CDH19: variants seen among roughly 807,000 people sequenced by gnomAD.
The protein encoded by CDH19 is cadherin-19.
In CDH19, 67 loss-of-function variants were observed where a neutral mutation model predicts 64.2. The ratio of observed to expected loss-of-function variants is 1.04; its 90% confidence interval spans 0.86 to 1.28. The LOEUF (loss-of-function observed/expected upper bound fraction) is 1.28. Ranked by LOEUF, CDH19 falls within the 50% of genes most tolerant of loss-of-function variation. The pLI, the probability that CDH19 is intolerant of heterozygous loss-of-function variation, is 0.00. For synonymous variants in CDH19, 346 were observed against 319.3 expected (o/e 1.08, Z -0.89); for missense variants, 1,030 against 929.0 (o/e 1.11, Z -1.41).
intron 11 of CDH19, among the ~76,000 whole-genome samples, chr18:66,506,944 G>A (rs1985231464): frequency 6.6e-6 from 1 of 151,844 alleles, no homozygotes; most frequent in South Asian, 2.1e-4. Context: ...AAATAGAAAG[G>A]AGTCTAATAA....
Position 66,529,855 on chromosome 18 carries a change from C to A in CDH19, c.1448G>T (p.Gly483Val). Residue 483 changes from glycine to valine, a missense_variant, in exon 9 of 12, where the codon GGC becomes GTC. Coordinates refer to ENST00000262150, the MANE Select transcript of CDH19 (RefSeq NM_021153.4). ...YYETYVCENA[G>V]SGQVIQTISA... ...ATAATGAGTCCTTACCTGACCAGAG[C>A]CTGCATTTTCACAAACATAAGTCTC... 1 of 1,589,524 alleles carries A rather than the reference C, an allele frequency of 6.3e-7. No individual in the cohort carries two copies.
At chr18:66,528,041 T>C (rs1367053551) in intron 9 of CDH19, among the ~76,000 whole-genome samples, 1 of 151,676 alleles carries the variant, frequency 6.6e-6, no homozygotes, top group Non-Finnish European at 1.5e-5. Context: ...ATCTAATATG[T>C]AAATTTGATA....
chr18:66,563,260 C>T (rs1480372592), intron 3 of CDH19, among the ~76,000 whole-genome samples: 4 of 151,936 alleles, frequency 2.6e-5, no homozygotes, highest in Non-Finnish European at 5.9e-5. Flanking sequence ...TGTTTGAATG[C>T]CAAGATTCCA....
At chr18:66,558,265 C>T (rs1987595105) in intron 3 of CDH19, among the ~76,000 whole-genome samples, 1 of 150,580 alleles carries the variant, frequency 6.6e-6, no homozygotes, top group Non-Finnish European at 1.5e-5. Flanking sequence ...TTTATTCATG[C>T]CTTGGAAATG....
intron 1 of CDH19, among the ~76,000 whole-genome samples, chr18:66,585,805 CATT>C (rs1988560441): frequency 6.6e-6 from 1 of 151,760 alleles, no homozygotes; most frequent in South Asian, 2.1e-4. Context: ...ATTTGAATGT[CATT>C]ATTTTTTTTC....
chr18:66,508,857 C>T, intron 11 of CDH19, 138 bp downstream of exon 11: 2 of 895,024 alleles, frequency 2.2e-6, no homozygotes, highest in Non-Finnish European at 3.3e-6. Flanking sequence ...ACACACAGAC[C>T]CACATTATAA....
At chr18:66,557,361 CAA>C (rs1987556773) in intron 3 of CDH19, among the ~76,000 whole-genome samples, 1 of 151,914 alleles carries the variant, frequency 6.6e-6, no homozygotes, top group African/African-American at 2.4e-5. Flanking sequence ...TACTTGTAAC[CAA>C]AAGTTACTTC....
intron 1 of CDH19, among the ~76,000 whole-genome samples, chr18:66,600,368 T>C (rs1272495542): frequency 6.6e-6 from 1 of 151,844 alleles, no homozygotes; most frequent in Non-Finnish European, 1.5e-5. Flanking sequence ...AGTTAAGTAA[T>C]GTCTTGCTGA....
chr18:66,583,377 C>G (rs549615941), intron 1 of CDH19, among the ~76,000 whole-genome samples: 1 of 151,958 alleles, frequency 6.6e-6, no homozygotes, highest in South Asian at 2.1e-4. Flanking sequence ...TACATTTGCA[C>G]GTTTGTTATA....
chr18:66,545,938 T>C (rs1987099313), intron 5 of CDH19, among the ~76,000 whole-genome samples: 2 of 126,532 alleles, frequency 1.6e-5, no homozygotes, highest in African/African-American at 6.3e-5. Flanking sequence ...TAACTACAAA[T>C]TGCTGGGCAC....
intron 11 of CDH19, among the ~76,000 whole-genome samples, chr18:66,506,931 T>C (rs2144331241): frequency 6.6e-6 from 1 of 152,062 alleles, no homozygotes; most frequent in East Asian, 1.9e-4. Flanking sequence ...ATATATATGG[T>C]TGAAATAGAA....
chr18:66,503,337 A>G lies in CDH19; in HGVS notation c.*1475T>C, dbSNP rs1010314858. 4.0e-5 allele frequency: 6 copies of G among 151,878 alleles called. No homozygotes were observed. Among genetic ancestry groups the G allele is most frequent in the African/African-American group, 1.4e-4 (6 of 41,434 alleles). The allele number at this position is 151,878 out of a possible 1,614,324, so 9.4% of individuals were successfully genotyped here. A position where few individuals can be genotyped will look rare whatever the true frequency, so the allele number is the denominator to read the frequency against. On this transcript the variant is annotated 3_prime_UTR_variant, in exon 12 of 12. Coordinates refer to ENST00000262150, the MANE Select transcript of CDH19 (RefSeq NM_021153.4). ...AAATGTATCTATTGCACCTAATTTT[A>G]TATTCAATAATAAAAAAATGACACT...
Position 66,502,063 on chromosome 18 carries a change from T to C in CDH19, c.*2749A>G, listed in dbSNP as rs1395662942. On this transcript the variant is annotated 3_prime_UTR_variant, in exon 12 of 12. Coordinates refer to ENST00000262150, the MANE Select transcript of CDH19 (RefSeq NM_021153.4). ...TATTTTGCATTAATTTAGAGTTTAT[T>C]AAAATTTACAAAAATAAATTCTTAA... 2 of 152,154 alleles carry C rather than the reference T, an allele frequency of 1.3e-5. No homozygotes were observed. 9.4% of individuals were successfully genotyped at this position (152,154 alleles called of 1,614,324 possible). A position where few individuals can be genotyped will look rare whatever the true frequency, so the allele number is the denominator to read the frequency against.
chr18:66,511,493 A>G (rs1267277100), intron 10 of CDH19, 75 bp downstream of exon 10: 4 of 671,330 alleles, frequency 6.0e-6, no homozygotes, highest in Non-Finnish European at 1.1e-5. Flanking sequence ...ATAAAAATCC[A>G]TGCCATAAAT....
chr18:66,515,465 G>C (rs1985695162), intron 9 of CDH19, among the ~76,000 whole-genome samples: 1 of 151,724 alleles, frequency 6.6e-6, no homozygotes, highest in South Asian at 2.1e-4. Flanking sequence ...GAAAGTCTAG[G>C]TTGTAGTATG....
At chr18:66,558,984 A>G (rs1291003930) in intron 3 of CDH19, among the ~76,000 whole-genome samples, 1 of 151,918 alleles carries the variant, frequency 6.6e-6, no homozygotes, top group Non-Finnish European at 1.5e-5. Flanking sequence ...TCATGTCCTG[A>G]TTATTGTTTA....
intron 9 of CDH19, 38 bp from the exon 10 acceptor site, chr18:66,511,723 G>T: frequency 1.1e-6 from 1 of 930,360 alleles, no homozygotes; most frequent in South Asian, 1.4e-5. Context: ...TTGTTGTTTG[G>T]ATTCAGGAAG....
intron 9 of CDH19, among the ~76,000 whole-genome samples, chr18:66,524,569 T>TATATATATATATATATATATA (rs1276593665): frequency 7.4e-6 from 1 of 135,164 alleles, no homozygotes; most frequent in Non-Finnish European, 1.6e-5. Flanking sequence ...TATATATATA[T>TATATATATATATATATATATA]AAACATCATC....
rs1988984447 is a variant in CDH19, at chr18:66,599,363, C to A, written c.-113+4591G>T. Among the ~76,000 whole-genome samples the A allele has an allele frequency of 2.0e-5, 3 of 151,970 alleles. No individual in the cohort carries two copies. In the South Asian group the frequency reaches 6.2e-4, roughly 32 times the overall value. ...ATGTGGAATCTAAAACAATGGAACT[C>A]ATAGAGGCATAAAGTAGACTGGTAT... is the stretch of plus-strand genomic sequence containing the variant. On this transcript the variant is annotated intron_variant, in intron 1 of 11. Coordinates refer to ENST00000262150, the MANE Select transcript of CDH19 (RefSeq NM_021153.4).
Sources: allele counts gnomAD v4.1 joint callset (sites outside exome capture counted in the v4.1 genomes callset), GRCh38; gene constraint gnomAD v4.1.1; transcripts MANE v1.5; gene names NCBI Gene and HGNC (gene_info 2026-07-23, HGNC 2026-07-21).